CRACD: variants seen among roughly 807,000 people sequenced by gnomAD.
CRACD encodes capping protein-inhibiting regulator of actin dynamics.
A neutral mutation model predicts 106.8 loss-of-function variants in CRACD; 56 were observed. That is an observed-to-expected ratio of 0.52 (90% CI 0.42 to 0.66). CRACD has a LOEUF of 0.66. Among genes scored for constraint, CRACD ranks in the 30% least tolerant of loss-of-function variants. The pLI is 0.00. For missense variants in CRACD, 1,730 were observed against 1,623.2 expected, an observed-to-expected ratio of 1.07 and a Z score of -1.13; for synonymous variants, 754 against 670.8, an observed-to-expected ratio of 1.12 and a Z score of -1.92.
intron 1 of CRACD, among the ~76,000 whole-genome samples, chr4:56,066,991 ATTAATTAATTC>A (rs1286542844): frequency 7.2e-5 from 11 of 152,330 alleles, no homozygotes; most frequent in Middle Eastern, 3.4e-3. Flanking sequence ...ATTTAAATTA[ATTAATTAATTC>A]TTAATTAATT....
At chr4:56,180,437 C>T (rs1388429790) in intron 2 of CRACD, among the ~76,000 whole-genome samples, 5 of 151,320 alleles carry the variant, frequency 3.3e-5, no homozygotes, top group African/African-American at 1.2e-4. Context: ...TGCAGTGAGC[C>T]GAGATCTCAC....
intron 2 of CRACD, among the ~76,000 whole-genome samples, chr4:56,197,794 C>T (rs1237352423): frequency 6.6e-6 from 1 of 152,026 alleles, no homozygotes; most frequent in East Asian, 1.9e-4. Context: ...TCTCCTGCCT[C>T]AGCCATCCAA....
chr4:56,290,756 G>A (rs1743660064), intron 3 of CRACD, among the ~76,000 whole-genome samples: 1 of 152,194 alleles, frequency 6.6e-6, no homozygotes, highest in Non-Finnish European at 1.5e-5. Context: ...CATGTACATA[G>A]GAGAGCTGAC....
chr4:56,210,649 C>T (rs1179451722), intron 2 of CRACD, among the ~76,000 whole-genome samples: 2 of 152,156 alleles, frequency 1.3e-5, no homozygotes, highest in Non-Finnish European at 2.9e-5. Flanking sequence ...ATTGTCTTCC[C>T]CATAACTAAA....
At chr4:56,123,644 A>G (rs1734563026) in intron 1 of CRACD, among the ~76,000 whole-genome samples, 1 of 152,158 alleles carries the variant, frequency 6.6e-6, no homozygotes, top group Non-Finnish European at 1.5e-5. Context: ...GAGGAAACAG[A>G]AGCATAGAGA....
intron 2 of CRACD, among the ~76,000 whole-genome samples, chr4:56,267,423 A>G (rs1742089010): frequency 6.6e-6 from 1 of 152,160 alleles, no homozygotes; most frequent in South Asian, 2.1e-4. Flanking sequence ...CGCCTGGCCA[A>G]TTTATTTAAG....
At chr4:56,234,828 T>A (rs1194049702) in intron 2 of CRACD, among the ~76,000 whole-genome samples, 2 of 152,184 alleles carry the variant, frequency 1.3e-5, no homozygotes, top group Non-Finnish European at 2.9e-5. Context: ...AGTGAAAATG[T>A]TTCAGTAGAC....
At chr4:56,273,117 A>G (rs1742458558) in intron 3 of CRACD, among the ~76,000 whole-genome samples, 1 of 152,104 alleles carries the variant, frequency 6.6e-6, no homozygotes, top group Admixed American at 6.6e-5. Flanking sequence ...AGATTGAAGA[A>G]GACTGTGTTT....
At chr4:56,259,497 G>C (rs695058) in intron 2 of CRACD, among the ~76,000 whole-genome samples, 26,028 of 152,028 alleles carry the variant, frequency 0.17, 3,637 homozygotes, top group African/African-American at 0.37. Context: ...TAGGAGGTGG[G>C]GAACAGGGGG....
chr4:56,150,791 T>A (rs1053171231), intron 1 of CRACD, among the ~76,000 whole-genome samples: 1 of 152,182 alleles, frequency 6.6e-6, no homozygotes, highest in Non-Finnish European at 1.5e-5. Context: ...GATGGATATT[T>A]AAGTTATTTT....
intron 1 of CRACD, among the ~76,000 whole-genome samples, chr4:56,152,423 C>T (rs1157281367): frequency 1.3e-5 from 2 of 151,342 alleles, no homozygotes; most frequent in African/African-American, 4.9e-5. Context: ...TACTTGAGGC[C>T]AGGAGATTGA....
chr4:56,247,657 C>T (rs962308480), intron 2 of CRACD, among the ~76,000 whole-genome samples: 6 of 152,040 alleles, frequency 3.9e-5, no homozygotes, highest in African/African-American at 1.2e-4. Flanking sequence ...ACCAGCCTGG[C>T]CAGCAGGGCA....
At chr4:56,264,110 G>A (rs1309951080) in intron 2 of CRACD, among the ~76,000 whole-genome samples, 1 of 152,112 alleles carries the variant, frequency 6.6e-6, no homozygotes, top group Non-Finnish European at 1.5e-5. Context: ...AGAGAGCGAA[G>A]GGGAAAATGC....
chr4:56,071,569 C>A (rs1053370067), intron 1 of CRACD, among the ~76,000 whole-genome samples: 3 of 150,176 alleles, frequency 2.0e-5, no homozygotes, highest in Admixed American at 2.0e-4. Flanking sequence ...TGCAGTGGTG[C>A]GATCTCAGCA....
intron 1 of CRACD, among the ~76,000 whole-genome samples, chr4:56,116,810 C>T (rs1036697286): frequency 1.1e-4 from 16 of 151,636 alleles, no homozygotes; most frequent in South Asian, 2.1e-4. Flanking sequence ...TGGGTTCAAG[C>T]GATTCTCCTG....
intron 4 of CRACD, among the ~76,000 whole-genome samples, chr4:56,302,486 G>A (rs1744424589): frequency 6.6e-6 from 1 of 152,024 alleles, no homozygotes; most frequent in Non-Finnish European, 1.5e-5. Context: ...GCCATCCTGA[G>A]TGGCTTGTAT....
intron 2 of CRACD, chr4:56,246,513 C>T (rs1194373695): frequency 6.6e-6 from 1 of 152,202 alleles, no homozygotes; most frequent in African/African-American, 2.4e-5. Context: ...AGAACTATGT[C>T]CAAAGCCAAT....
intron 1 of CRACD, among the ~76,000 whole-genome samples, chr4:56,170,401 A>G (rs1736317095): frequency 6.6e-6 from 1 of 152,196 alleles, no homozygotes; most frequent in Admixed American, 6.5e-5. Flanking sequence ...GCTCATTGAA[A>G]ATAGGGAGGC....
At position 56,320,432 on chromosome 4, in the gene CRACD, G is replaced by A. The variant is rs141707847; in HGVS notation, c.3188-2945G>A. 1.3e-3 allele frequency among the ~76,000 whole-genome samples: 198 copies of A among 152,274 alleles called. 1 individual carries two copies. The highest frequency in any genetic ancestry group is 4.1e-3 in the African/African-American group (170 of 41,572). On this transcript the variant is annotated intron_variant, in intron 8 of 10. Transcript: ENST00000682029. ...GGAATTTTGAACTCCTCAAATAGGT[G>A]ATGCAATTGACTATCTTTCAAAACC...
Sources: allele counts gnomAD v4.1 joint callset (sites outside exome capture counted in the v4.1 genomes callset), GRCh38; gene constraint gnomAD v4.1.1; transcripts MANE v1.5; gene names NCBI Gene and HGNC (gene_info 2026-07-23, HGNC 2026-07-21).